The following ZMAT4 variants were observed in gnomAD, a reference collection of about 807,000 sequenced individuals.
ZMAT4 encodes the protein zinc finger matrin-type 4.
ZMAT4 carries 17 observed loss-of-function variants against 28.7 expected under a neutral mutation model. The observed-to-expected ratio is 0.59, with a 90% CI of 0.41 to 0.89. ZMAT4 has a LOEUF of 0.89. Among genes scored for constraint, ZMAT4 ranks in the 40% least tolerant of loss-of-function variants. ZMAT4 has a pLI of 0.00. For synonymous variants in ZMAT4, 117 were observed against 109.2 expected (o/e 1.07, Z -0.44); for missense variants, 240 against 283.8 (o/e 0.85, Z 1.11).
At chr8:40,704,323 C>T (rs1161005215) in intron 3 of ZMAT4, among the ~76,000 whole-genome samples, 1 of 152,220 alleles carries the variant, frequency 6.6e-6, no homozygotes, top group African/African-American at 2.4e-5. Context: ...GTAACGTTAT[C>T]TCCCACTGTT....
chr8:40,718,689 G>A (rs536708762), intron 3 of ZMAT4, among the ~76,000 whole-genome samples: 1 of 152,120 alleles, frequency 6.6e-6, no homozygotes, highest in Non-Finnish European at 1.5e-5. Flanking sequence ...CTCCATGACA[G>A]TGACAGAGAC....
At chr8:40,638,262 C>CTAAA (rs1806870131) in intron 5 of ZMAT4, among the ~76,000 whole-genome samples, 2 of 152,148 alleles carry the variant, frequency 1.3e-5, no homozygotes, top group Admixed American at 1.3e-4. Context: ...AATAGATATG[C>CTAAA]TAATTGGCCT....
At chr8:40,832,368 G>C (rs2150618693) in intron 1 of ZMAT4, among the ~76,000 whole-genome samples, 1 of 152,262 alleles carries the variant, frequency 6.6e-6, no homozygotes, top group African/African-American at 2.4e-5. Context: ...GCTTCTGCCT[G>C]CACAACCACA....
chr8:40,579,652 A>G (rs1377217985), intron 6 of ZMAT4, among the ~76,000 whole-genome samples: 2 of 152,154 alleles, frequency 1.3e-5, no homozygotes, highest in African/African-American at 4.8e-5. Context: ...ACATCTTTGC[A>G]ATATCTTTGC....
intron 3 of ZMAT4, among the ~76,000 whole-genome samples, chr8:40,751,234 G>A (rs1459205055): frequency 6.6e-6 from 1 of 152,104 alleles, no homozygotes; most frequent in African/African-American, 2.4e-5. Context: ...CTGAGACTGG[G>A]TAATTTATAA....
intron 5 of ZMAT4, among the ~76,000 whole-genome samples, chr8:40,597,867 A>C (rs914096307): frequency 6.6e-6 from 1 of 152,186 alleles, no homozygotes; most frequent in Non-Finnish European, 1.5e-5. Context: ...TTTTTCTTTA[A>C]CCTGGATGGA....
chr8:40,666,422 ATTCT>A (rs1203389790), intron 5 of ZMAT4, among the ~76,000 whole-genome samples: 1 of 152,148 alleles, frequency 6.6e-6, no homozygotes, highest in African/African-American at 2.4e-5. Context: ...CTCATTTATA[ATTCT>A]TTGTTAATCT....
chr8:40,703,544 G>A (rs189400049), intron 3 of ZMAT4, among the ~76,000 whole-genome samples: 1 of 152,292 alleles, frequency 6.6e-6, no homozygotes, highest in East Asian at 1.9e-4. Flanking sequence ...TAAATACAGA[G>A]AGTGAATTAG....
At chr8:40,707,094 C>T (rs986962299) in intron 3 of ZMAT4, among the ~76,000 whole-genome samples, 14 of 152,160 alleles carry the variant, frequency 9.2e-5, no homozygotes, top group African/African-American at 3.1e-4. Flanking sequence ...ACTAGAAATG[C>T]CCCGTCTCTC....
At chr8:40,863,711 T>A (rs1409946182) in intron 1 of ZMAT4, among the ~76,000 whole-genome samples, 1 of 152,160 alleles carries the variant, frequency 6.6e-6, no homozygotes, top group African/African-American at 2.4e-5. Flanking sequence ...ATGAGGACAG[T>A]CATTGATGAG....
chr8:40,548,360 A>T (rs1171466758), intron 6 of ZMAT4, among the ~76,000 whole-genome samples: 1 of 152,120 alleles, frequency 6.6e-6, no homozygotes, highest in African/African-American at 2.4e-5. Flanking sequence ...CCTGGCATAG[A>T]TAGGTGATTT....
At chr8:40,896,773 T>C (rs931869146) in intron 1 of ZMAT4, among the ~76,000 whole-genome samples, 2 of 152,172 alleles carry the variant, frequency 1.3e-5, no homozygotes, top group South Asian at 4.2e-4. Flanking sequence ...GCAGTGTGGA[T>C]GGTGACTTCA....
At chr8:40,803,042 A>T (rs1814920454) in intron 2 of ZMAT4, among the ~76,000 whole-genome samples, 1 of 152,206 alleles carries the variant, frequency 6.6e-6, no homozygotes, top group Non-Finnish European at 1.5e-5. Context: ...GAATCTAGAC[A>T]TAGACCTTAC....
chr8:40,878,300 C>T (rs1818107803), intron 1 of ZMAT4, among the ~76,000 whole-genome samples: 2 of 152,170 alleles, frequency 1.3e-5, no homozygotes, highest in Non-Finnish European at 2.9e-5. Flanking sequence ...GCTCCCCCTC[C>T]TTGCCCCATC....
At chr8:40,604,581 T>A (rs1479661167) in intron 5 of ZMAT4, among the ~76,000 whole-genome samples, 1 of 152,222 alleles carries the variant, frequency 6.6e-6, no homozygotes, top group Admixed American at 6.5e-5. Flanking sequence ...CACTTGATCA[T>A]GGTGGATAAT....
chr8:40,847,633 T>C (rs1379641414), intron 1 of ZMAT4, among the ~76,000 whole-genome samples: 3 of 152,194 alleles, frequency 2.0e-5, no homozygotes, highest in Non-Finnish European at 4.4e-5. Context: ...CCCTTAGGCT[T>C]GAGGCAGCCA....
chr8:40,561,107 T>A (rs1803723428), intron 6 of ZMAT4, among the ~76,000 whole-genome samples: 1 of 152,178 alleles, frequency 6.6e-6, no homozygotes, highest in African/African-American at 2.4e-5. Context: ...TTATAAGCTT[T>A]TCTGTGTACT....
chr8:40,596,505 A>T (rs1472754402), intron 5 of ZMAT4, among the ~76,000 whole-genome samples: 13 of 152,162 alleles, frequency 8.5e-5, no homozygotes, highest in Non-Finnish European at 1.3e-4. Context: ...AAATTTATAA[A>T]CTTTTTTTGT....
chr8:40,759,710 T>C lies in ZMAT4; in HGVS notation c.192+7931A>G, dbSNP rs527886510. Among the ~76,000 whole-genome samples, 139 of 152,270 alleles carry C rather than the reference T, an allele frequency of 9.1e-4. 1 individual carries two copies. Among genetic ancestry groups the C allele is most frequent in the African/African-American group, 3.2e-3 (133 of 41,562 alleles). The stretch of plus-strand genomic sequence containing the variant: ...CTGTCTTGGTCGCGCCCCACCCACA[T>C]GACAATGTTGAACTTCAGCTGAAGT... On this transcript the variant is annotated intron_variant, in intron 3 of 6. Coordinates refer to ENST00000297737, the MANE Select transcript of ZMAT4 (RefSeq NM_024645.3).
Sources: allele counts gnomAD v4.1 joint callset (sites outside exome capture counted in the v4.1 genomes callset), GRCh38; gene constraint gnomAD v4.1.1; transcripts MANE v1.5; gene names NCBI Gene and HGNC (gene_info 2026-07-23, HGNC 2026-07-21).